The following PTPRN2 variants were observed in gnomAD, a reference collection of about 807,000 sequenced individuals.
PTPRN2 encodes protein tyrosine phosphatase receptor type N2, also known as receptor-type tyrosine-protein phosphatase N2.
A neutral mutation model predicts 118.8 loss-of-function variants in PTPRN2; 74 were observed. That is an observed-to-expected ratio of 0.62 (90% confidence interval 0.52 to 0.76). The LOEUF is 0.76. Among genes scored for constraint, PTPRN2 ranks in the 30% least tolerant of loss-of-function variants. The probability of loss-of-function intolerance (pLI) is 0.00; values close to 1 mark genes in which losing one functional copy is unlikely to be tolerated. For synonymous variants in PTPRN2, 641 were observed against 608.0 expected, an observed-to-expected ratio of 1.05 and a Z score of -0.80; for missense variants, 1,481 against 1,394.4, an observed-to-expected ratio of 1.06 and a Z score of -0.99.
At chr7:158,277,537 G>A (rs908003640) in intron 3 of PTPRN2, among the ~76,000 whole-genome samples, 2 of 152,144 alleles carry the variant, frequency 1.3e-5, no homozygotes, top group Non-Finnish European at 2.9e-5. Context: ...CCTAACCCGC[G>A]CTCTCCCAAG....
At chr7:157,978,797 C>A (rs1802929742) in intron 11 of PTPRN2, among the ~76,000 whole-genome samples, 1 of 151,948 alleles carries the variant, frequency 6.6e-6, no homozygotes, top group Non-Finnish European at 1.5e-5. Flanking sequence ...AGGTTGCATT[C>A]GTGGTGAAGT....
At chr7:157,958,103 A>G (rs1029201408) in intron 11 of PTPRN2, among the ~76,000 whole-genome samples, 16 of 152,228 alleles carry the variant, frequency 1.1e-4, no homozygotes, top group Non-Finnish European at 2.1e-4. Flanking sequence ...CACATAAAAA[A>G]TAATAAACGC....
chr7:158,136,000 G>A (rs1818773710), intron 8 of PTPRN2, among the ~76,000 whole-genome samples: 2 of 152,198 alleles, frequency 1.3e-5, no homozygotes, highest in African/African-American at 4.8e-5. Context: ...AGACTTAACA[G>A]GGAAGGCCAG....
At chr7:157,667,709 A>T (rs1170312861) in intron 13 of PTPRN2, among the ~76,000 whole-genome samples, 1 of 152,168 alleles carries the variant, frequency 6.6e-6, no homozygotes, top group Non-Finnish European at 1.5e-5. Context: ...CCACCGCAAA[A>T]CTCAATGTGA....
At chr7:157,774,454 T>A (rs535863283) in intron 12 of PTPRN2, among the ~76,000 whole-genome samples, 1 of 152,308 alleles carries the variant, frequency 6.6e-6, no homozygotes, top group East Asian at 1.9e-4. Context: ...ATAAACCACG[T>A]CAATATTATT....
At chr7:158,423,867 A>G (rs1815471883) in intron 2 of PTPRN2, among the ~76,000 whole-genome samples, 1 of 152,128 alleles carries the variant, frequency 6.6e-6, no homozygotes. Context: ...TTTACGGCCA[A>G]CACTGGAATG....
intron 1 of PTPRN2, among the ~76,000 whole-genome samples, chr7:158,572,553 C>T (rs1828100060): frequency 6.6e-6 from 1 of 152,204 alleles, no homozygotes. Context: ...GGACCTCTGC[C>T]CAACAGCTCT....
chr7:157,991,194 C>T (rs557391238), intron 11 of PTPRN2, among the ~76,000 whole-genome samples: 52 of 152,320 alleles, frequency 3.4e-4, no homozygotes, highest in Middle Eastern at 3.4e-3. Context: ...TGGGGCATGA[C>T]GGGCTCTGCT....
At position 157,779,147 on chromosome 7, in the gene PTPRN2, G is replaced by A. The variant is rs542126312; in HGVS notation, c.1789-96210C>T. On this transcript the variant is annotated intron_variant, in intron 12 of 22. Transcript: ENST00000389418. This position sits in a 1 kb window ranked among gnomAD's most constrained non-coding sequence, Gnocchi z 4.7. ...AACCTGACTTAGGTCACCAGGTGCA[G>A]GCCTTACATATAGAGGTAGTAGCGC... is the stretch of plus-strand genomic sequence containing the variant. Among the ~76,000 whole-genome samples the A allele has an allele frequency of 6.6e-6, 1 of 152,286 alleles. No individual in the cohort carries two copies. Among genetic ancestry groups the A allele is most frequent in the South Asian group, 2.1e-4 (1 of 4,816 alleles).
In PTPRN2 at chr7:158,488,497, AT is replaced by A. The variant is rs567522152; in HGVS notation, c.163+1237del. 2.5e-3 allele frequency among the ~76,000 whole-genome samples: 380 copies of A among 152,242 alleles called. 6 individuals are homozygous for A. The highest frequency in any genetic ancestry group is 8.5e-3 in the African/African-American group (354 of 41,556). On this transcript the variant is annotated intron_variant, in intron 2 of 22. Coordinates refer to ENST00000389418, the MANE Select transcript of PTPRN2 (RefSeq NM_002847.5). ...ACACAGAGGTGCCCCCAGCCCCAAA[AT>A]TCCATCCGGAACCCAGGGCTGGTCC...
intron 2 of PTPRN2, among the ~76,000 whole-genome samples, chr7:158,361,708 T>C (rs1371475288): frequency 1.3e-5 from 2 of 152,120 alleles, no homozygotes; most frequent in African/African-American, 2.4e-5. Context: ...TGGGGGATCC[T>C]AGGCAGGCAT....
intron 1 of PTPRN2, among the ~76,000 whole-genome samples, chr7:158,558,499 T>A (rs1563433400): frequency 6.6e-6 from 1 of 152,038 alleles, no homozygotes; most frequent in Non-Finnish European, 1.5e-5. Flanking sequence ...AGCTACCAGT[T>A]GGTCCCAGGG....
In PTPRN2 at chr7:158,401,172, C is replaced by T. The variant is rs1308823233; in HGVS notation, c.164-84240G>A. ...CCAGGGGCTCTCCGGGTTCCTGACC[C>T]TCTGACAGTTCACCTGGAAGGCGGG... On this transcript the variant is annotated intron_variant, in intron 2 of 22. Transcript: ENST00000389418. Among the ~76,000 whole-genome samples the T allele has an allele frequency of 2.0e-5, 3 of 152,222 alleles. No homozygotes were observed. In the South Asian group the frequency reaches 6.2e-4, roughly 32 times the overall value.
intron 12 of PTPRN2, among the ~76,000 whole-genome samples, chr7:157,769,807 C>T (rs989065715): frequency 5.3e-5 from 8 of 152,242 alleles, no homozygotes; most frequent in Non-Finnish European, 1.2e-4. Flanking sequence ...ATCTAAAACA[C>T]TATCCCAGGC....
At position 158,344,663 on chromosome 7, in the gene PTPRN2, A is replaced by C. The variant is rs117305209; in HGVS notation, c.164-27731T>G. ...CCCACACGTAACCCACCAAGAAAGA[A>C]CAAGTGAGGCTGTGTTGCTGGAGGT... On this transcript the variant is annotated intron_variant, in intron 2 of 22. Coordinates refer to ENST00000389418, the MANE Select transcript of PTPRN2 (RefSeq NM_002847.5). Among the ~76,000 whole-genome samples, 1,289 of 152,250 alleles carry C rather than the reference A, an allele frequency of 8.5e-3. 11 individuals are homozygous for C. The highest frequency in any genetic ancestry group is 0.012 in the Non-Finnish European group (847 of 67,998).
At chr7:158,207,643 C>G (rs564965131) in intron 3 of PTPRN2, among the ~76,000 whole-genome samples, 17 of 152,250 alleles carry the variant, frequency 1.1e-4, no homozygotes, top group Non-Finnish European at 2.4e-4. Context: ...AAAGTCTTTT[C>G]AAATACCTGG....
chr7:157,908,956 A>G (rs1469401107), intron 11 of PTPRN2, among the ~76,000 whole-genome samples: 1 of 152,192 alleles, frequency 6.6e-6, no homozygotes, highest in Non-Finnish European at 1.5e-5. Context: ...CAGTTGAATC[A>G]TTTCTGTCTA....
chr7:158,444,342 C>T (rs1177247831), intron 2 of PTPRN2, among the ~76,000 whole-genome samples: 1 of 152,274 alleles, frequency 6.6e-6, no homozygotes, highest in African/African-American at 2.4e-5. Flanking sequence ...CCAGGCGCCT[C>T]CTCCCCTGTT....
intron 8 of PTPRN2, among the ~76,000 whole-genome samples, chr7:158,135,984 G>T (rs531028888): frequency 1.3e-5 from 2 of 152,196 alleles, no homozygotes; most frequent in Non-Finnish European, 2.9e-5. Flanking sequence ...AAACTAAGAG[G>T]CTAAAAGACT....
Sources: allele counts gnomAD v4.1 joint callset (sites outside exome capture counted in the v4.1 genomes callset), GRCh38; gene constraint gnomAD v4.1.1; non-coding constraint Gnocchi (gnomAD v3.1); transcripts MANE v1.5; gene names NCBI Gene and HGNC (gene_info 2026-07-23, HGNC 2026-07-21).